DEGS2: variants seen among roughly 807,000 people sequenced by gnomAD.
DEGS2 encodes the protein sphingolipid delta(4)-desaturase/C4-monooxygenase DES2.
In DEGS2, 19 loss-of-function variants were observed where a neutral mutation model predicts 23.8. The observed-to-expected ratio is 0.80, with a 90% CI of 0.56 to 1.17. The LOEUF (loss-of-function observed/expected upper bound fraction) is 1.17, where lower values mean the gene tolerates loss of function less well. Among genes scored for constraint, DEGS2 ranks in the 50% most tolerant of loss-of-function variants. DEGS2 has a pLI of 0.00. For missense variants in DEGS2, 390 were observed against 459.5 expected, an observed-to-expected ratio of 0.85 and a Z score of 1.38; for synonymous variants, 218 against 213.7, an observed-to-expected ratio of 1.02 and a Z score of -0.18.
chr14:100,149,328 T>C lies in DEGS2; in HGVS notation c.465A>G (p.Thr155=), dbSNP rs4905936. 0.88 allele frequency: 1,423,631 copies of C among 1,611,100 alleles called. 630,299 individuals are homozygous for C. The highest frequency in any genetic ancestry group is 1 in the East Asian group (44,783 of 44,840). ...CCAGCCAGAGCAGCTTGCGGGCGGG[T>C]GTGCAGAAGAACCAGCCCTCCAGAC... The part of the protein sequence containing the change: ...PTRLEGWFFC[T]PARKLLWLVL... The change falls in exon 2 of 3, where the codon ACA becomes ACG. Residue 155 remains threonine (T), a synonymous_variant. Coordinates refer to ENST00000305631, the MANE Select transcript of DEGS2 (RefSeq NM_206918.3).
intron 1 of DEGS2, among the ~76,000 whole-genome samples, chr14:100,154,158 A>C (rs946554391): frequency 1.3e-5 from 2 of 152,168 alleles, no homozygotes; most frequent in African/African-American, 4.8e-5. Flanking sequence ...TGAGGTCAGG[A>C]GTTCAAAACC....
At chr14:100,152,564 A>G (rs1016099113) in intron 1 of DEGS2, among the ~76,000 whole-genome samples, 1 of 152,064 alleles carries the variant, frequency 6.6e-6, no homozygotes, top group African/African-American at 2.4e-5. Context: ...CTCTCCTCCC[A>G]TCCTTCTCTA....
chr14:100,150,183 C>T (rs1020468774), intron 1 of DEGS2, among the ~76,000 whole-genome samples: 5 of 152,186 alleles, frequency 3.3e-5, no homozygotes, highest in African/African-American at 1.2e-4. Flanking sequence ...CTGGCAGCTC[C>T]CACTCAGGAA....
chr14:100,164,446 G>A (rs894913249), upstream of DEGS2, among the ~76,000 whole-genome samples: 1 of 152,014 alleles, frequency 6.6e-6, no homozygotes, highest in African/African-American at 2.4e-5. Flanking sequence ...AACCAGCCTG[G>A]CCAACATGCT....
rs760013835 is a variant in DEGS2, at chr14:100,146,896, G to A, written c.837C>T (p.Ile279=). Residue 279 remains isoleucine (I), a synonymous_variant, in exon 3 of 3, where the codon ATC becomes ATT. Transcript: ENST00000305631. ...GCAGGTGGTCGTAGTACTCGGGCGC[G>A]ATCTTCCGCACCTGTAGAGAGGAGG... The part of the protein sequence containing the change: ...PGYNLPLVRK[I]APEYYDHLPQ... 14 of 1,612,624 alleles carry A rather than the reference G, an allele frequency of 8.7e-6. No individual in the cohort carries two copies. The highest frequency in any genetic ancestry group is 1.7e-5 in the Admixed American group (1 of 59,930).
At chr14:100,148,777 T>G (rs1193663313) in intron 2 of DEGS2, among the ~76,000 whole-genome samples, 191 bp downstream of exon 2, 3 of 152,240 alleles carry the variant, frequency 2.0e-5, no homozygotes, top group Admixed American at 6.5e-5. Flanking sequence ...TGCTTCAGCC[T>G]CCAGCAGAGG....
At chr14:100,149,741 C>T (rs768366414) in intron 1 of DEGS2, 31 bp from the exon 2 acceptor site, 69 of 1,564,904 alleles carry the variant, frequency 4.4e-5, no homozygotes, top group Middle Eastern at 3.4e-4. Flanking sequence ...TATGAGGCCC[C>T]GCTCGGTGGG....
the DEGS2 span, among the ~76,000 whole-genome samples, chr14:100,166,466 A>G: frequency 6.6e-6 from 1 of 151,918 alleles, no homozygotes; most frequent in Non-Finnish European, 1.5e-5. Flanking sequence ...TACCCTCAGG[A>G]CCAGGGGCAC....
chr14:100,160,274 G>A (rs1397690817), upstream of DEGS2: 1 of 152,294 alleles, frequency 6.6e-6, no homozygotes, highest in African/African-American at 2.4e-5. Flanking sequence ...TGGGGACACA[G>A]GTACAGAAGT....
rs371308691 is a variant in DEGS2 at position 100,147,497 on chromosome 14, C to T, written c.826-590G>A. 1.1e-3 allele frequency among the ~76,000 whole-genome samples: 160 copies of T among 152,230 alleles called. 4 individuals carry two copies. The South Asian group carries it at 0.032, about 31-fold the overall frequency. On this transcript the variant is annotated intron_variant, in intron 2 of 2. Transcript: ENST00000305631. ...CATGTTCCAAGGGCCTCTTGAGCAC[C>T]TGCTGTCCCCTCCAGCCTTTGCTCT...
chr14:100,150,507 A>C (rs558916243), intron 1 of DEGS2, among the ~76,000 whole-genome samples: 101 of 152,034 alleles, frequency 6.6e-4, no homozygotes, highest in African/African-American at 2.3e-3. Flanking sequence ...AGCCACAAGC[A>C]GGCAGCTCTG....
At position 100,146,411 on chromosome 14, in the gene DEGS2, C is replaced by A. The variant is rs548482300; in HGVS notation, c.*350G>T. 1.7e-4 allele frequency: 44 copies of A among 251,740 alleles called. No individual in the cohort carries two copies. Among genetic ancestry groups the A allele is most frequent in the Non-Finnish European group, 2.8e-4 (37 of 130,592 alleles). The allele number at this position is 251,740 out of a possible 1,614,324, so 15.6% of individuals were successfully genotyped here. Reference sequence around the variant, plus strand: ...CAGACCACCCCCTCAGAAGCACAATCCATGGGCTGTGAAACAAACGCCGGG... The same window carrying A: ...CAGACCACCCCCTCAGAAGCACAATACATGGGCTGTGAAACAAACGCCGGG... On this transcript the variant is annotated 3_prime_UTR_variant, in exon 3 of 3. Transcript: ENST00000305631.
intron 2 of DEGS2, among the ~76,000 whole-genome samples, chr14:100,148,251 C>T (rs1889490565): frequency 6.6e-6 from 1 of 152,242 alleles, no homozygotes; most frequent in Non-Finnish European, 1.5e-5. Context: ...ACAGGGCAAA[C>T]ATGCTCACAC....
chr14:100,153,646 C>T (rs568413663), intron 1 of DEGS2, among the ~76,000 whole-genome samples: 1 of 152,238 alleles, frequency 6.6e-6, no homozygotes, highest in Non-Finnish European at 1.5e-5. Context: ...GTGACTCTGC[C>T]CTTCCACACC....
At chr14:100,154,020 A>G (rs1889617335) in intron 1 of DEGS2, among the ~76,000 whole-genome samples, 1 of 152,292 alleles carries the variant, frequency 6.6e-6, no homozygotes, top group Non-Finnish European at 1.5e-5. Flanking sequence ...CTCAGACTCC[A>G]TCAGCACCGA....
chr14:100,149,459 C>A lies in DEGS2; in HGVS notation c.334G>T (p.Ala112Ser). ...TAGGGCACACCCACGGGCAGGTTGG[C>A]GAACACGGCCAGCCAGCGGTTGCGT... is the stretch of plus-strand genomic sequence containing the variant. ...AARNRWLAVFANLPVGVPYAA... is the reference protein window; with the variant it reads ...AARNRWLAVFSNLPVGVPYAA... Residue 112 changes from alanine (A) to serine (S), a missense_variant, in exon 2 of 3, where the codon GCC becomes TCC. Ala to Ser is a moderately conservative substitution (Grantham distance 99). Coordinates refer to ENST00000305631, the MANE Select transcript of DEGS2 (RefSeq NM_206918.3). The A allele has an allele frequency of 6.3e-7, 1 of 1,594,418 alleles. No individual in the cohort carries two copies.
At chr14:100,148,891 G>A (rs1889506744) in intron 2 of DEGS2, 77 bp downstream of exon 2, 2 of 1,496,318 alleles carry the variant, frequency 1.3e-6, no homozygotes, top group South Asian at 1.3e-5. Flanking sequence ...ATGGCCCAAG[G>A]CCCTTCCAGG....
the DEGS2 span, among the ~76,000 whole-genome samples, chr14:100,165,876 T>G: frequency 1.1e-5 from 1 of 89,752 alleles, no homozygotes. Flanking sequence ...CATCAAAGAG[T>G]AGGGGGAGGC....
upstream of DEGS2, chr14:100,160,004 C>T (rs1450696979): frequency 6.5e-6 from 1 of 154,316 alleles, no homozygotes; most frequent in Non-Finnish European, 1.4e-5. Context: ...CCCCGACCCG[C>T]TCGCGGGCAC....
Sources: gnomAD v4.1 joint callset for allele counts (sites outside exome capture counted in the v4.1 genomes callset) on GRCh38, gnomAD v4.1.1 for gene constraint, MANE v1.5 for transcripts, NCBI Gene and HGNC (gene_info 2026-07-23, HGNC 2026-07-21) for gene names.